Variants in KIRREL3 observed in about 807,000 individuals in gnomAD.
KIRREL3 encodes the protein kin of IRRE-like protein 3.
In KIRREL3, 36 loss-of-function variants were observed where a neutral mutation model predicts 89.7. That is an observed-to-expected ratio of 0.40 (90% confidence interval 0.31 to 0.53). The LOEUF (loss-of-function observed/expected upper bound fraction) is 0.53, where lower values mean the gene tolerates loss of function less well. KIRREL3 is among the 20% of genes least tolerant of loss of function. KIRREL3 has a pLI of 0.49. For synonymous variants in KIRREL3, 445 were observed against 441.4 expected (o/e 1.01, Z -0.10); for missense variants, 864 against 1,056.6 (o/e 0.82, Z 2.53).
chr11:126,542,855 A>ATG (rs1228751339), intron 2 of KIRREL3, among the ~76,000 whole-genome samples: 2 of 152,194 alleles, frequency 1.3e-5, no homozygotes, highest in Admixed American at 6.5e-5. Flanking sequence ...CTGACTATAT[A>ATG]TGTGTCCTAA....
At chr11:126,803,005 A>C (rs1951087794) in intron 1 of KIRREL3, among the ~76,000 whole-genome samples, 1 of 152,206 alleles carries the variant, frequency 6.6e-6, no homozygotes, top group South Asian at 2.1e-4. Context: ...TGGGTATTAC[A>C]GAGTTAGCTA....
chr11:126,738,368 C>T (rs184286723), intron 1 of KIRREL3, among the ~76,000 whole-genome samples: 82 of 152,244 alleles, frequency 5.4e-4, no homozygotes, highest in Admixed American at 1.4e-3. Context: ...TTCCCAGTCA[C>T]GGGCTGCAGC....
rs374822047 is a variant in KIRREL3 at position 126,441,526 on chromosome 11, G to A, written c.1253-977C>T. On this transcript the variant is annotated intron_variant, in intron 10 of 16. Transcript: ENST00000525144. This position sits in a 1 kb window ranked among gnomAD's most constrained non-coding sequence, Gnocchi z 5.0. ...GTGGTTGAAGGATGGGAGTAGGGAC[G>A]GAAACTGTCATGCTCCCTTTCCAAT... Among the ~76,000 whole-genome samples, 22 of 152,322 alleles carry A rather than the reference G, an allele frequency of 1.4e-4. No individual in the cohort carries two copies. The highest frequency in any genetic ancestry group is 6.2e-4 in the South Asian group (3 of 4,822).
chr11:126,586,266 T>A (rs115386962), intron 1 of KIRREL3, among the ~76,000 whole-genome samples: 1 of 152,168 alleles, frequency 6.6e-6, no homozygotes, highest in Non-Finnish European at 1.5e-5. Flanking sequence ...AACATAGAGC[T>A]AAAATCAATA....
At position 126,615,651 on chromosome 11, in the gene KIRREL3, T is replaced by C. The variant is rs1943313150; in HGVS notation, c.56-52739A>G. Among the ~76,000 whole-genome samples the C allele has an allele frequency of 6.6e-6, 1 of 152,162 alleles. No homozygotes were observed. The highest frequency in any genetic ancestry group is 2.4e-5 in the African/African-American group (1 of 41,432). The stretch of plus-strand genomic sequence containing the variant: ...ATTGAGTTAGGACAGTCCCAGATGA[T>C]GATGGAGCCAGGAGCTGAGTAGATT... On this transcript the variant is annotated intron_variant, in intron 1 of 16. Transcript: ENST00000525144. This position sits in a 1 kb window ranked among gnomAD's most constrained non-coding sequence, Gnocchi z 5.4.
chr11:126,961,314 A>C (rs1015186374), intron 1 of KIRREL3, among the ~76,000 whole-genome samples: 5 of 152,334 alleles, frequency 3.3e-5, no homozygotes, highest in African/African-American at 4.8e-5. Context: ...CCAAGTTGTG[A>C]ATGCAATGGA....
chr11:126,688,013 G>A (rs1946731760), intron 1 of KIRREL3, among the ~76,000 whole-genome samples: 1 of 152,252 alleles, frequency 6.6e-6, no homozygotes, highest in Admixed American at 6.5e-5. Flanking sequence ...TTACGAAAAT[G>A]TCAAGGGGAA....
chr11:126,787,176 C>T (rs1240176101), intron 1 of KIRREL3, among the ~76,000 whole-genome samples: 2 of 152,078 alleles, frequency 1.3e-5, no homozygotes, highest in Admixed American at 6.6e-5. Context: ...GAACACCTGA[C>T]AGAATGATGA....
chr11:126,745,807 G>T (rs1949130236), intron 1 of KIRREL3, among the ~76,000 whole-genome samples: 1 of 152,200 alleles, frequency 6.6e-6, no homozygotes, highest in South Asian at 2.1e-4. Context: ...CCAAGATGTA[G>T]ACTGCATGGA....
rs577683588 is a variant in KIRREL3 at position 126,425,503 on chromosome 11, C to T, written c.1893+135G>A. On this transcript the variant is annotated intron_variant, in intron 16 of 16. Coordinates refer to ENST00000525144, the MANE Select transcript of KIRREL3 (RefSeq NM_032531.4). ...AGGAGGTGCCTTAGGCAGGGACGGG[C>T]ACCTGCCACCAAGCTGGCCTCTGAC... The T allele has an allele frequency of 3.1e-5, 23 of 753,864 alleles. No homozygotes were observed. In the Admixed American group the frequency reaches 4.4e-4, roughly 14 times the overall value. The allele number at this position is 753,864 out of a possible 1,614,324, so 46.7% of individuals were successfully genotyped here. A position where few individuals can be genotyped will look rare whatever the true frequency, so the allele number is the denominator to read the frequency against.
intron 1 of KIRREL3, among the ~76,000 whole-genome samples, chr11:126,712,703 GC>G (rs1487123837): frequency 6.6e-6 from 1 of 152,164 alleles, no homozygotes. Flanking sequence ...TGGTACTGTG[GC>G]CCTCTGAGGT....
intron 1 of KIRREL3, among the ~76,000 whole-genome samples, chr11:126,774,902 C>A (rs1307133156): frequency 6.6e-6 from 1 of 152,160 alleles, no homozygotes; most frequent in Non-Finnish European, 1.5e-5. Flanking sequence ...GCTCCTGCTC[C>A]TGTCTGCTCT....
rs570403498 is a variant in KIRREL3, at chr11:126,454,450, G to A, written c.848+1899C>T. Reference sequence around the variant, plus strand: ...TGGGGCGCCCAACAGGCATTCTAAGGGTGGCTGTGAGGGTGAATAGGGGTG... The same window carrying A: ...TGGGGCGCCCAACAGGCATTCTAAGAGTGGCTGTGAGGGTGAATAGGGGTG... On this transcript the variant is annotated intron_variant, in intron 7 of 16. Transcript: ENST00000525144. The surrounding 1 kb of genome is among the most constrained non-coding windows in gnomAD (Gnocchi z 5.8). 6.6e-6 allele frequency among the ~76,000 whole-genome samples: 1 copy of A among 152,158 alleles called. No homozygotes were observed. The highest frequency in any genetic ancestry group is 2.4e-5 in the African/African-American group (1 of 41,438).
At chr11:126,604,606 T>C (rs1942810791) in intron 1 of KIRREL3, among the ~76,000 whole-genome samples, 3 of 152,160 alleles carry the variant, frequency 2.0e-5, no homozygotes, top group Admixed American at 6.5e-5. Flanking sequence ...AGGGTTCTGA[T>C]CCGTTGGCTT....
intron 1 of KIRREL3, among the ~76,000 whole-genome samples, chr11:126,886,090 C>T (rs1945684875): frequency 6.6e-6 from 1 of 152,120 alleles, no homozygotes; most frequent in Non-Finnish European, 1.5e-5. Flanking sequence ...TTTGATACTC[C>T]CTGCCCACAT....
intron 1 of KIRREL3, among the ~76,000 whole-genome samples, chr11:126,701,339 G>A (rs1947305502): frequency 1.3e-5 from 2 of 152,180 alleles, no homozygotes; most frequent in Non-Finnish European, 2.9e-5. Flanking sequence ...ATGTTGAGCA[G>A]CACCGAGCCC....
intron 1 of KIRREL3, among the ~76,000 whole-genome samples, chr11:126,784,213 G>A (rs950019669): frequency 2.0e-5 from 3 of 152,172 alleles, no homozygotes; most frequent in Non-Finnish European, 2.9e-5. Context: ...AAATGTAAAC[G>A]AAGTATGGAC....
chr11:126,936,553 AG>A (rs1195209268), intron 1 of KIRREL3: 1 of 145,784 alleles, frequency 6.9e-6, no homozygotes, highest in Non-Finnish European at 1.5e-5. Flanking sequence ...AATGCTATTC[AG>A]CAAAAAAAAA....
At position 126,978,800 on chromosome 11, in the gene KIRREL3, C is replaced by A. The variant is rs1949648830; in HGVS notation, c.55+21655G>T. Among the ~76,000 whole-genome samples, 1 of 152,166 alleles carries A rather than the reference C, an allele frequency of 6.6e-6. No individual in the cohort carries two copies. The highest frequency in any genetic ancestry group is 2.1e-4 in the South Asian group (1 of 4,828). On this transcript the variant is annotated intron_variant, in intron 1 of 16. Coordinates refer to ENST00000525144, the MANE Select transcript of KIRREL3 (RefSeq NM_032531.4). The surrounding 1 kb of genome is among the most constrained non-coding windows in gnomAD (Gnocchi z 4.2). Reference sequence around the variant, plus strand: ...TAGTGTCTGCTCCCACAGGAGCTACCATATGTGGATGTCCCCTGGGTCCCT... The same window carrying A: ...TAGTGTCTGCTCCCACAGGAGCTACAATATGTGGATGTCCCCTGGGTCCCT...
Sources: gnomAD v4.1 joint callset for allele counts (sites outside exome capture counted in the v4.1 genomes callset) on GRCh38, gnomAD v4.1.1 for gene constraint, Gnocchi (gnomAD v3.1) non-coding constraint, MANE v1.5 for transcripts, NCBI Gene and HGNC (gene_info 2026-07-23, HGNC 2026-07-21) for gene names.